The following PAPSS2 variants were observed in gnomAD, a reference collection of about 807,000 sequenced individuals.
PAPSS2 encodes bifunctional 3'-phosphoadenosine 5'-phosphosulfate synthase 2.
PAPSS2 carries 61 observed loss-of-function variants against 66.5 expected under a neutral mutation model. The observed-to-expected ratio is 0.92, with a 90% CI of 0.75 to 1.14. The LOEUF (loss-of-function observed/expected upper bound fraction) is 1.14, where lower values mean the gene tolerates loss of function less well. PAPSS2 is among the 50% of genes most tolerant of loss of function. The probability of loss-of-function intolerance (pLI) is 0.00; values close to 1 mark genes in which losing one functional copy is unlikely to be tolerated. For missense variants in PAPSS2, 708 were observed against 789.6 expected (o/e 0.90, Z 1.24); for synonymous variants, 289 against 287.5 (o/e 1.01, Z -0.05).
chr10:87,673,690 T>A (rs11202500), intron 1 of PAPSS2, among the ~76,000 whole-genome samples: 5 of 33,266 alleles, frequency 1.5e-4, no homozygotes, highest in Non-Finnish European at 1.3e-4. Flanking sequence ...TTTGGCTTAC[T>A]TTTTTTTTTT....
Position 87,709,300 on chromosome 10 carries a change from C to T in PAPSS2, c.132C>T (p.Thr44=), listed in dbSNP as rs753690800. The change falls in exon 2 of 13, where the codon ACC becomes ACT. Residue 44 remains threonine, a synonymous_variant. Coordinates refer to ENST00000456849, the MANE Select transcript of PAPSS2 (RefSeq NM_001015880.2). The stretch of plus-strand genomic sequence containing the variant: ...CAAGGGGTGGGTTCCGAGGATGTAC[C>T]GTGTGGCTAACAGGTATGTCATGTT... ...VGTRGGFRGC[T]VWLTGLSGAG... is the part of the protein sequence containing the mutation. 3.2e-5 allele frequency: 51 copies of T among 1,595,830 alleles called. No homozygotes were observed. The highest frequency in any genetic ancestry group is 4.4e-5 in the South Asian group (4 of 90,566).
intron 8 of PAPSS2, 111 bp downstream of exon 8, chr10:87,721,881 T>C: frequency 1.5e-6 from 1 of 673,580 alleles, no homozygotes. Context: ...CCAGTTGGAA[T>C]CGCTATTAGT....
chr10:87,677,362 G>C (rs1852962573), intron 1 of PAPSS2, among the ~76,000 whole-genome samples: 1 of 152,084 alleles, frequency 6.6e-6, no homozygotes, highest in Non-Finnish European at 1.5e-5. Context: ...ATTTTGAAGT[G>C]AATTTGACTG....
intron 10 of PAPSS2, 111 bp from the exon 11 acceptor site, chr10:87,743,262 A>C (rs1589444972): frequency 5.7e-5 from 58 of 1,014,276 alleles, no homozygotes; most frequent in Non-Finnish European, 7.9e-5. Context: ...AAAAAAAGCC[A>C]GTGGATAATG....
At chr10:87,699,812 T>TAAAA (rs11378998) in intron 1 of PAPSS2, among the ~76,000 whole-genome samples, 16 of 135,694 alleles carry the variant, frequency 1.2e-4, no homozygotes, top group African/African-American at 4.3e-4. Context: ...ATCATGCCAC[T>TAAAA]AAAAAAAAAA....
At chr10:87,725,908 C>CACACACAA (rs1276017613) in intron 8 of PAPSS2, among the ~76,000 whole-genome samples, 1 of 151,876 alleles carries the variant, frequency 6.6e-6, no homozygotes, top group East Asian at 1.9e-4. Flanking sequence ...CACACACACA[C>CACACACAA]ACACACATAT....
At chr10:87,676,874 A>C (rs1352310862) in intron 1 of PAPSS2, among the ~76,000 whole-genome samples, 2 of 21,734 alleles carry the variant, frequency 9.2e-5, no homozygotes, top group East Asian at 3.2e-3. Flanking sequence ...CCCTGTCTCA[A>C]AAAAAAAAAA....
chr10:87,738,525 T>C (rs897362593), intron 9 of PAPSS2, among the ~76,000 whole-genome samples: 1 of 152,072 alleles, frequency 6.6e-6, no homozygotes, highest in Admixed American at 6.5e-5. Context: ...TCCTCCCACC[T>C]CAGCCTGCTG....
intron 1 of PAPSS2, among the ~76,000 whole-genome samples, chr10:87,695,334 A>G (rs888084560): frequency 4.6e-5 from 7 of 152,204 alleles, no homozygotes; most frequent in African/African-American, 1.2e-4. Context: ...TGATCTAATT[A>G]CCTGCCAAAG....
chr10:87,743,500 C>G lies in PAPSS2; in HGVS notation c.1350C>G (p.Gly450=). 1.2e-6 allele frequency: 2 copies of G among 1,614,112 alleles called. No individual in the cohort carries two copies. The highest frequency in any genetic ancestry group is 1.7e-6 in the Non-Finnish European group (2 of 1,180,006). Residue 450 remains glycine (G), a synonymous_variant, in exon 11 of 13, where the codon GGC becomes GGG. Transcript: ENST00000456849. ...KHPVLLLHPL[G]GWTKDDDVPL... ...CGGTCCTCCTACTACACCCTCTGGGCGGCTGGACCAAGGATGACGATGTGC... is the reference window on the plus strand; with the variant it reads ...CGGTCCTCCTACTACACCCTCTGGGGGGCTGGACCAAGGATGACGATGTGC...
At chr10:87,688,443 T>TTTTTTTTA (rs1853116053) in intron 1 of PAPSS2, among the ~76,000 whole-genome samples, 1 of 138,080 alleles carries the variant, frequency 7.2e-6, no homozygotes, top group East Asian at 2.1e-4. Flanking sequence ...TTCTTTTTTA[T>TTTTTTTTA]TTTATTTATT....
chr10:87,715,022 A>C lies in PAPSS2; in HGVS notation c.677A>C (p.Glu226Ala), dbSNP rs1018976034. The change falls in exon 6 of 13, where the codon GAA becomes GCA. Residue 226 changes from glutamate to alanine, a missense_variant. By Grantham distance (107) the Glu-to-Ala change is moderately radical. Coordinates refer to ENST00000456849, the MANE Select transcript of PAPSS2 (RefSeq NM_001015880.2). ...VPYTIIKDIH[E>A]LFVPENKLDH... Reference sequence around the variant, plus strand: ...TATACTATAATCAAAGATATCCACGAACTCTTTGTGCCGGAAAACAAACTT... The same window carrying C: ...TATACTATAATCAAAGATATCCACGCACTCTTTGTGCCGGAAAACAAACTT... The C allele has an allele frequency of 2.5e-6, 4 of 1,613,150 alleles. No homozygotes were observed. Among genetic ancestry groups the C allele is most frequent in the Non-Finnish European group, 3.4e-6 (4 of 1,179,218 alleles).
chr10:87,687,092 A>C (rs1853098533), intron 1 of PAPSS2, among the ~76,000 whole-genome samples: 1 of 152,202 alleles, frequency 6.6e-6, no homozygotes, highest in Non-Finnish European at 1.5e-5. Context: ...ATATATTTTC[A>C]GCACAATTTC....
chr10:87,666,910 C>A (rs533879925), intron 1 of PAPSS2, among the ~76,000 whole-genome samples: 1 of 152,190 alleles, frequency 6.6e-6, no homozygotes, highest in African/African-American at 2.4e-5. Flanking sequence ...AGAAGCACAT[C>A]CAATGCCCTC....
At chr10:87,689,111 C>A (rs1002843855) in intron 1 of PAPSS2, among the ~76,000 whole-genome samples, 1 of 151,950 alleles carries the variant, frequency 6.6e-6, no homozygotes, top group Admixed American at 6.5e-5. Context: ...GAGTCCAAGG[C>A]GGGTGGATTA....
chr10:87,708,604 A>T lies in PAPSS2; in HGVS notation c.28-592A>T, dbSNP rs546283302. ...AGAACATGCATTCACTGAAACGATGACATTCCTCTAAGGTGCAAATGTTAA... is the reference window on the plus strand; with the variant it reads ...AGAACATGCATTCACTGAAACGATGTCATTCCTCTAAGGTGCAAATGTTAA... On this transcript the variant is annotated intron_variant, in intron 1 of 12. Transcript: ENST00000456849. Among the ~76,000 whole-genome samples, 14 of 152,298 alleles carry T rather than the reference A, an allele frequency of 9.2e-5. No individual in the cohort carries two copies. The South Asian group carries it at 2.9e-3, about 32-fold the overall frequency.
chr10:87,712,982 A>G (rs1467631114), intron 2 of PAPSS2, 93 bp from the exon 3 acceptor site: 1 of 704,082 alleles, frequency 1.4e-6, no homozygotes, highest in African/African-American at 1.9e-5. Flanking sequence ...TTTTTTTAAG[A>G]TTTAGTTATA....
chr10:87,706,761 A>G (rs1478855452), intron 1 of PAPSS2, among the ~76,000 whole-genome samples: 1 of 151,866 alleles, frequency 6.6e-6, no homozygotes, highest in Admixed American at 6.6e-5. Context: ...CCTGTCTCAA[A>G]CAACAACAAC....
intron 1 of PAPSS2, among the ~76,000 whole-genome samples, chr10:87,701,299 TTTTCCTTCCTTCCTTCCTTC>T (rs1853303354): frequency 7.5e-6 from 1 of 132,930 alleles, no homozygotes; most frequent in African/African-American, 3.1e-5. Flanking sequence ...TTTCTTTCTT[TTTTCCTTCCTTCCTTCCTTC>T]CTTCCTTCCT....
Sources: allele counts gnomAD v4.1 joint callset (sites outside exome capture counted in the v4.1 genomes callset), GRCh38; gene constraint gnomAD v4.1.1; transcripts MANE v1.5; gene names NCBI Gene and HGNC (gene_info 2026-07-23, HGNC 2026-07-21).